The following TTLL11 variants were observed in gnomAD, a reference collection of about 807,000 sequenced individuals.
The protein encoded by TTLL11 is tubulin tyrosine ligase like 11, also known as tubulin polyglutamylase TTLL11.
A neutral mutation model predicts 51.7 loss-of-function variants in TTLL11; 42 were observed. The ratio of observed to expected loss-of-function variants is 0.81; its 90% CI spans 0.64 to 1.05. The LOEUF is 1.05. Ranked by LOEUF, TTLL11 falls within the 50% of genes least tolerant of loss-of-function variation. The pLI is 0.00. For synonymous variants in TTLL11, 381 were observed against 383.5 expected, an observed-to-expected ratio of 0.99 and a Z score of 0.08; for missense variants, 799 against 940.4, an observed-to-expected ratio of 0.85 and a Z score of 1.97.
intron 6 of TTLL11, among the ~76,000 whole-genome samples, chr9:121,895,708 T>TTGTGA: frequency 5.7e-4 from 2 of 3,518 alleles, no homozygotes; most frequent in African/African-American, 9.8e-4. Flanking sequence ...TGTGTGGGTT[T>TTGTGA]GTGTGACTGT....
intron 3 of TTLL11, among the ~76,000 whole-genome samples, chr9:122,025,976 T>C (rs1844321385): frequency 6.6e-6 from 1 of 152,152 alleles, no homozygotes; most frequent in South Asian, 2.1e-4. Context: ...TGATACATAC[T>C]ACAAATATGG....
At chr9:122,046,780 G>A (rs1386523279) in intron 1 of TTLL11, among the ~76,000 whole-genome samples, 1 of 152,166 alleles carries the variant, frequency 6.6e-6, no homozygotes, top group East Asian at 1.9e-4. Flanking sequence ...CTATCCTCAG[G>A]AGATAGAGAT....
chr9:121,960,723 G>T (rs1450047493), intron 6 of TTLL11, among the ~76,000 whole-genome samples: 1 of 152,180 alleles, frequency 6.6e-6, no homozygotes, highest in Non-Finnish European at 1.5e-5. Flanking sequence ...TGCTGCAGAG[G>T]CATGGCGCAG....
intron 3 of TTLL11, among the ~76,000 whole-genome samples, chr9:121,999,573 G>T (rs970008072): frequency 9.2e-5 from 14 of 152,156 alleles, no homozygotes; most frequent in African/African-American, 2.7e-4. Flanking sequence ...CACCTGAATT[G>T]CTGCAATAGC....
At chr9:122,015,111 ATAAAAAT>A (rs1735473773) in intron 3 of TTLL11, among the ~76,000 whole-genome samples, 1 of 152,196 alleles carries the variant, frequency 6.6e-6, no homozygotes, top group Non-Finnish European at 1.5e-5. Context: ...GGTCATGTAT[ATAAAAAT>A]CATTTGGTAA....
chr9:121,850,177 T>C (rs529800676), intron 8 of TTLL11, among the ~76,000 whole-genome samples: 23 of 152,160 alleles, frequency 1.5e-4, no homozygotes, highest in Admixed American at 1.5e-3. Context: ...GAGAGATAAA[T>C]AGATACAGAT....
At chr9:121,954,678 G>GCACACACACACACA (rs71371904) in intron 6 of TTLL11, among the ~76,000 whole-genome samples, 3 of 149,302 alleles carry the variant, frequency 2.0e-5, no homozygotes, top group Non-Finnish European at 4.5e-5. Context: ...ACACACAGAC[G>GCACACACACACACA]CACACACACA....
At chr9:122,007,284 C>G (rs548543804) in intron 3 of TTLL11, among the ~76,000 whole-genome samples, 1 of 151,756 alleles carries the variant, frequency 6.6e-6, no homozygotes, top group South Asian at 2.1e-4. Context: ...CTTGTTGTGG[C>G]AGAAGTAAAA....
At position 122,093,204 on chromosome 9, in the gene TTLL11, C is replaced by A. The variant is rs1345110786; in HGVS notation, c.-56G>T. ...CACCGCCGCCGCCGCCGCCGCTCCG[C>A]CGCCCCAGTCCGCCACCAAACTGCC... On this transcript the variant is annotated 5_prime_UTR_variant, in exon 1 of 9. Transcript: ENST00000321582. 1 of 1,489,184 alleles carries A rather than the reference C, an allele frequency of 6.7e-7. No individual in the cohort carries two copies. Among genetic ancestry groups the A allele is most frequent in the Admixed American group, 2.3e-5 (1 of 43,860 alleles). 92.2% of individuals were successfully genotyped at this position (1,489,184 alleles called of 1,614,324 possible). A position where few individuals can be genotyped will look rare whatever the true frequency, so the allele number is the denominator to read the frequency against.
chr9:121,997,328 C>T (rs1204497289), intron 3 of TTLL11, among the ~76,000 whole-genome samples: 1 of 152,170 alleles, frequency 6.6e-6, no homozygotes. Context: ...GGAGTGAGAA[C>T]ACAGCCTGGC....
chr9:121,840,161 G>A (rs1237727440), intron 8 of TTLL11, among the ~76,000 whole-genome samples: 5 of 152,180 alleles, frequency 3.3e-5, no homozygotes, highest in Non-Finnish European at 5.9e-5. Flanking sequence ...GCACGAAAAT[G>A]TTTCTTTCAC....
intron 6 of TTLL11, among the ~76,000 whole-genome samples, chr9:121,935,180 A>G (rs1841153745): frequency 6.6e-6 from 1 of 151,326 alleles, no homozygotes; most frequent in African/African-American, 2.4e-5. Context: ...GCTGGTCTTG[A>G]ACTCCTGACC....
At chr9:121,906,179 A>G (rs1403714050) in intron 6 of TTLL11, among the ~76,000 whole-genome samples, 2 of 152,172 alleles carry the variant, frequency 1.3e-5, no homozygotes, top group Non-Finnish European at 2.9e-5. Flanking sequence ...GAAGATTTGT[A>G]TCTCTAATTA....
intron 6 of TTLL11, among the ~76,000 whole-genome samples, chr9:121,897,336 G>A (rs1839562303): frequency 1.3e-5 from 2 of 152,168 alleles, no homozygotes; most frequent in Non-Finnish European, 2.9e-5. Flanking sequence ...GCACGCGGTA[G>A]AACTGAGGCT....
chr9:121,989,172 G>C lies in TTLL11; in HGVS notation c.1269+23C>G. Reference sequence around the variant, plus strand: ...GAGGCCGGTCAAGGCTGGAAACGCAGGCTGGGAACTGGCAATGGTTACCTG... The same window carrying C: ...GAGGCCGGTCAAGGCTGGAAACGCACGCTGGGAACTGGCAATGGTTACCTG... On this transcript the variant is annotated intron_variant, in intron 4 of 8. Transcript: ENST00000321582. The surrounding 1 kb of genome is among the most constrained non-coding windows in gnomAD (Gnocchi z 4.2). 1 of 1,610,866 alleles carries C rather than the reference G, an allele frequency of 6.2e-7. No homozygotes were observed. The highest frequency in any genetic ancestry group is 8.5e-7 in the Non-Finnish European group (1 of 1,178,006).
At chr9:122,075,194 T>C (rs1012503391) in intron 1 of TTLL11, among the ~76,000 whole-genome samples, 14 of 152,262 alleles carry the variant, frequency 9.2e-5, no homozygotes, top group African/African-American at 2.7e-4. Flanking sequence ...AAGTACTATA[T>C]TGATGAATTT....
At chr9:121,918,749 G>C (rs1489176890) in intron 6 of TTLL11, among the ~76,000 whole-genome samples, 5 of 152,204 alleles carry the variant, frequency 3.3e-5, no homozygotes, top group Non-Finnish European at 5.9e-5. Context: ...GAAATAAACT[G>C]TGGGAATATT....
At chr9:121,826,545 ATATATG>A (rs1836799613) in intron 8 of TTLL11, among the ~76,000 whole-genome samples, 1 of 58,344 alleles carries the variant, frequency 1.7e-5, no homozygotes, top group East Asian at 6.2e-4. Flanking sequence ...GTGTATATAT[ATATATG>A]TGTGTGTATA....
At chr9:121,925,272 C>G (rs1480370130) in intron 6 of TTLL11, among the ~76,000 whole-genome samples, 1 of 152,190 alleles carries the variant, frequency 6.6e-6, no homozygotes, top group Non-Finnish European at 1.5e-5. Context: ...AGAAAGTGAC[C>G]AAATGTCACT....
Sources: allele counts gnomAD v4.1 joint callset (sites outside exome capture counted in the v4.1 genomes callset), GRCh38; gene constraint gnomAD v4.1.1; non-coding constraint Gnocchi (gnomAD v3.1); transcripts MANE v1.5; gene names NCBI Gene and HGNC (gene_info 2026-07-23, HGNC 2026-07-21).